The following C10orf67 variants were observed in gnomAD, a reference collection of about 807,000 sequenced individuals.
C10orf67 encodes chromosome 10 open reading frame 67.
Under a neutral mutation model 35.6 loss-of-function variants are expected in C10orf67, and 60 were observed. The ratio of observed to expected loss-of-function variants is 1.68; its 90% CI spans 1.37 to 2.09. The LOEUF (loss-of-function observed/expected upper bound fraction) is 2.09. C10orf67 is among the 30% of genes most tolerant of loss of function. The pLI, the probability that C10orf67 is intolerant of heterozygous loss-of-function variation, is 0.00. For missense variants in C10orf67, 474 were observed against 330.2 expected (o/e 1.44, Z -3.38); for synonymous variants, 167 against 115.8 (o/e 1.44, Z -2.84).
Position 23,278,218 on chromosome 10 carries a change from A to G in C10orf67, c.975+3795T>C, listed in dbSNP as rs568261441. ...CATCTAAACCAAATTTTCTTGGGGG[A>G]CCTCAATGACACTTAAGATTGTAAA... On this transcript the variant is annotated intron_variant, in intron 8 of 15. Transcript: ENST00000636213. 1.2e-3 allele frequency among the ~76,000 whole-genome samples: 177 copies of G among 152,232 alleles called. 1 individual carries two copies. The highest frequency in any genetic ancestry group is 4.1e-3 in the African/African-American group (169 of 41,532).
chr10:23,228,615 T>A (rs1841813455), intron 13 of C10orf67, among the ~76,000 whole-genome samples: 1 of 152,164 alleles, frequency 6.6e-6, no homozygotes, highest in Non-Finnish European at 1.5e-5. Flanking sequence ...AAAGAGCTTC[T>A]GCACAGCAAA....
chr10:23,215,742 G>A (rs1301711543), intron 15 of C10orf67, among the ~76,000 whole-genome samples: 1 of 151,898 alleles, frequency 6.6e-6, no homozygotes, highest in Non-Finnish European at 1.5e-5. Context: ...TAAAAGACCA[G>A]AAAATTAAAA....
At chr10:23,276,786 T>C (rs1000757542) in intron 8 of C10orf67, among the ~76,000 whole-genome samples, 13 of 152,288 alleles carry the variant, frequency 8.5e-5, no homozygotes, top group Non-Finnish European at 1.6e-4. Context: ...TTTCCTTATG[T>C]GGAAATTTGG....
intron 15 of C10orf67, among the ~76,000 whole-genome samples, 171 bp from the exon 16 acceptor site, chr10:23,204,426 G>A (rs1169576328): frequency 2.0e-5 from 3 of 152,292 alleles, no homozygotes; most frequent in Middle Eastern, 3.4e-3. Flanking sequence ...GGTGAAGGAG[G>A]TAGGGCAGGC....
chr10:23,248,842 G>A (rs189996349), intron 12 of C10orf67, among the ~76,000 whole-genome samples: 9 of 152,204 alleles, frequency 5.9e-5, no homozygotes, highest in Non-Finnish European at 1.3e-4. Flanking sequence ...AAATACTTCT[G>A]CTTTCCTAAA....
intron 12 of C10orf67, among the ~76,000 whole-genome samples, chr10:23,241,833 A>G (rs2132141593): frequency 6.6e-6 from 1 of 152,330 alleles, no homozygotes; most frequent in South Asian, 2.1e-4. Context: ...ATACCTAGGG[A>G]CATCATAATA....
At chr10:23,335,224 G>GATGACTTTGCTCAGCCATTGACTC (rs1403957918) in intron 1 of C10orf67, among the ~76,000 whole-genome samples, 56 of 151,560 alleles carry the variant, frequency 3.7e-4, no homozygotes, top group Admixed American at 3.5e-3. Context: ...AAATTTGACT[G>GATGACTTTGCTCAGCCATTGACTC]ATGACTTTGC....
At chr10:23,330,892 A>G (rs1413574791) in intron 2 of C10orf67, among the ~76,000 whole-genome samples, 2 of 152,044 alleles carry the variant, frequency 1.3e-5, no homozygotes. Context: ...CACGGTTCAA[A>G]CAGTAGGATC....
intron 13 of C10orf67, among the ~76,000 whole-genome samples, chr10:23,227,813 A>G (rs1028047852): frequency 1.3e-5 from 2 of 152,222 alleles, no homozygotes; most frequent in Non-Finnish European, 2.9e-5. Context: ...CAGAGAGCCC[A>G]ATCATGAGTG....
intron 13 of C10orf67, among the ~76,000 whole-genome samples, 158 bp from the exon 14 acceptor site, chr10:23,223,976 C>G (rs1455509639): frequency 6.6e-6 from 1 of 152,166 alleles, no homozygotes; most frequent in African/African-American, 2.4e-5. Context: ...TTTCTTCATT[C>G]CAATGGGATA....
At chr10:23,235,696 G>C (rs1253343006) in intron 13 of C10orf67, among the ~76,000 whole-genome samples, 1 of 152,190 alleles carries the variant, frequency 6.6e-6, no homozygotes, top group Non-Finnish European at 1.5e-5. Flanking sequence ...GTCTTAAGTA[G>C]ATCCTTCAAA....
chr10:23,316,242 G>C (rs1032873854), intron 4 of C10orf67, among the ~76,000 whole-genome samples: 1 of 152,216 alleles, frequency 6.6e-6, no homozygotes, highest in Non-Finnish European at 1.5e-5. Flanking sequence ...GCAGCACCAG[G>C]TGCTGACAAA....
At chr10:23,252,612 C>T (rs1842484847) in intron 10 of C10orf67, among the ~76,000 whole-genome samples, 1 of 152,178 alleles carries the variant, frequency 6.6e-6, no homozygotes, top group Non-Finnish European at 1.5e-5. Context: ...ATTTAGGTGA[C>T]TTTTTGAGTG....
At chr10:23,315,228 C>A (rs1224742118) in intron 4 of C10orf67, among the ~76,000 whole-genome samples, 1 of 152,034 alleles carries the variant, frequency 6.6e-6, no homozygotes, top group African/African-American at 2.4e-5. Context: ...CATATTTAAC[C>A]AACACATATT....
chr10:23,320,808 T>C lies in C10orf67; in HGVS notation c.479A>G (p.Asp160Gly), dbSNP rs1280738212. The change falls in exon 4 of 16, where the codon GAT becomes GGT. Residue 160 changes from aspartate (D) to glycine (G), a missense_variant. By Grantham distance (94) the Asp-to-Gly change is moderately conservative (BLOSUM62 -1). Transcript: ENST00000636213. ...CTGATTGAAGGATTTTCTCATCTTA[T>C]CCTCATTCTGCAAACAAAAATAAAT... ...EIEKHYQQNEDKMRKSFNQQL... is the reference protein window; with the variant it reads ...EIEKHYQQNEGKMRKSFNQQL... 6.3e-7 allele frequency: 1 copy of C among 1,578,072 alleles called. No individual in the cohort carries two copies. The highest frequency in any genetic ancestry group is 1.8e-5 in the Admixed American group (1 of 54,600).
At chr10:23,343,761 CT>C in intron 1 of C10orf67, 1 of 311,854 alleles carries the variant, frequency 3.2e-6, no homozygotes, top group South Asian at 2.6e-5. Flanking sequence ...AACTGCAGCT[CT>C]TTTCGGACAG....
At chr10:23,214,903 A>G (rs1218806883) in intron 15 of C10orf67, among the ~76,000 whole-genome samples, 3 of 152,086 alleles carry the variant, frequency 2.0e-5, no homozygotes, top group Non-Finnish European at 4.4e-5. Flanking sequence ...CGCACCTGTA[A>G]TCTCAGCTAC....
intron 10 of C10orf67, among the ~76,000 whole-genome samples, chr10:23,265,065 AGT>A (rs1842850980): frequency 6.6e-6 from 1 of 152,240 alleles, no homozygotes; most frequent in African/African-American, 2.4e-5. Flanking sequence ...ACCCTCTTCC[AGT>A]GTCAGTTTTT....
chr10:23,314,313 A>T (rs1844609227), intron 4 of C10orf67, among the ~76,000 whole-genome samples: 1 of 151,716 alleles, frequency 6.6e-6, no homozygotes, highest in African/African-American at 2.4e-5. Context: ...TTTACCCCAA[A>T]TGTAGTGGCT....
Sources: gnomAD v4.1 joint callset for allele counts (sites outside exome capture counted in the v4.1 genomes callset) on GRCh38, gnomAD v4.1.1 for gene constraint, MANE v1.5 for transcripts, NCBI Gene and HGNC (gene_info 2026-07-23, HGNC 2026-07-21) for gene names.